The following POU2AF2 variants were observed in gnomAD, a reference collection of about 807,000 sequenced individuals.
POU2AF2 encodes the protein POU domain class 2-associating factor 2.
the POU2AF2 span, among the ~76,000 whole-genome samples, chr11:111,278,485 T>C: frequency 6.6e-6 from 1 of 152,178 alleles, no homozygotes; most frequent in Non-Finnish European, 1.5e-5. Context: ...AATTAGATCT[T>C]GCAGGTGAAT....
the POU2AF2 span, among the ~76,000 whole-genome samples, chr11:111,252,303 G>A: frequency 2.5e-4 from 38 of 152,106 alleles, no homozygotes; most frequent in African/African-American, 9.7e-5. Context: ...GTTCTCCAAC[G>A]TCAGAGAGCA....
At chr11:111,266,992 T>C in the POU2AF2 span, among the ~76,000 whole-genome samples, 2 of 152,210 alleles carry the variant, frequency 1.3e-5, no homozygotes, top group Non-Finnish European at 2.9e-5. Flanking sequence ...TCCTGTGTGA[T>C]GGGTGGCCCC....
the POU2AF2 span, among the ~76,000 whole-genome samples, chr11:111,268,490 TTA>T: frequency 0.078 from 3,617 of 46,258 alleles, 268 homozygotes; most frequent in South Asian, 0.24. Context: ...TTATTTTATT[TTA>T]TTTTATTTTA....
At chr11:111,259,432 C>T in the POU2AF2 span, among the ~76,000 whole-genome samples, 55 of 151,868 alleles carry the variant, frequency 3.6e-4, no homozygotes, top group African/African-American at 1.3e-3. Context: ...TCTCCTGCCT[C>T]GGCCTCCCGA....
At chr11:111,248,014 GTTGGGTCTACA>G in the POU2AF2 span, among the ~76,000 whole-genome samples, 3 of 150,528 alleles carry the variant, frequency 2.0e-5, no homozygotes, top group African/African-American at 4.9e-5. Context: ...CTCCCGAGTA[GTTGGGTCTACA>G]GGCGCCCGCC....
At chr11:111,261,788 T>C in the POU2AF2 span, among the ~76,000 whole-genome samples, 70 of 152,224 alleles carry the variant, frequency 4.6e-4, no homozygotes, top group Non-Finnish European at 9.6e-4. Flanking sequence ...AGTAAGAAAA[T>C]AGACATGAAA....
At chr11:111,264,283 G>A in the POU2AF2 span, among the ~76,000 whole-genome samples, 1 of 151,892 alleles carries the variant, frequency 6.6e-6, no homozygotes, top group Non-Finnish European at 1.5e-5. Context: ...ATCTCTTGAG[G>A]TCAGGAGTTT....
At chr11:111,247,469 A>G in the POU2AF2 span, among the ~76,000 whole-genome samples, 1 of 152,156 alleles carries the variant, frequency 6.6e-6, no homozygotes, top group Non-Finnish European at 1.5e-5. Context: ...CATCTTTAAA[A>G]GTTAGTCTTT....
At chr11:111,274,876 C>T in the POU2AF2 span, among the ~76,000 whole-genome samples, 1 of 152,068 alleles carries the variant, frequency 6.6e-6, no homozygotes, top group Non-Finnish European at 1.5e-5. Flanking sequence ...CTACCACCAT[C>T]GCCACAACCA....
the POU2AF2 span, among the ~76,000 whole-genome samples, chr11:111,269,581 A>G: frequency 6.6e-6 from 1 of 152,132 alleles, no homozygotes; most frequent in Admixed American, 6.5e-5. Flanking sequence ...TGCAGCTTGC[A>G]AAAATAATCA....
chr11:111,281,688 T>G, the POU2AF2 span, among the ~76,000 whole-genome samples: 1 of 152,202 alleles, frequency 6.6e-6, no homozygotes, highest in Non-Finnish European at 1.5e-5. Context: ...AATTATGCCC[T>G]TGATACAGTT....
chr11:111,286,143 A>C, the POU2AF2 span: 4 of 1,459,720 alleles, frequency 2.7e-6, no homozygotes, highest in Middle Eastern at 1.8e-4. Flanking sequence ...TCAGGACTGG[A>C]TTTTCAGAAT....
chr11:111,276,452 AAATATATATATATATAT>A, the POU2AF2 span, among the ~76,000 whole-genome samples: 9 of 35,622 alleles, frequency 2.5e-4, no homozygotes, highest in Admixed American at 1.6e-3. Flanking sequence ...AAAAAAAAAA[AAATATATATATATATAT>A]ATATATATAT....
At chr11:111,264,731 G>T in the POU2AF2 span, among the ~76,000 whole-genome samples, 2 of 144,734 alleles carry the variant, frequency 1.4e-5, no homozygotes, top group Admixed American at 1.4e-4. Flanking sequence ...AAGAAAGAAA[G>T]AGAAAGAAAG....
the POU2AF2 span, among the ~76,000 whole-genome samples, chr11:111,282,718 T>C: frequency 1.3e-5 from 2 of 152,136 alleles, no homozygotes; most frequent in African/African-American, 4.8e-5. Context: ...TCAGAAGTGG[T>C]CTGCTGCTGT....
At chr11:111,248,790 G>A in the POU2AF2 span, among the ~76,000 whole-genome samples, 1 of 152,236 alleles carries the variant, frequency 6.6e-6, no homozygotes, top group East Asian at 1.9e-4. Flanking sequence ...AAAATAAGAA[G>A]GTGCTTTAAG....
chr11:111,248,374 C>T, the POU2AF2 span, among the ~76,000 whole-genome samples: 2 of 152,266 alleles, frequency 1.3e-5, no homozygotes, highest in Admixed American at 6.5e-5. Context: ...CTGAGCCAGA[C>T]GCTGACCCAA....
the POU2AF2 span, among the ~76,000 whole-genome samples, chr11:111,280,835 C>A: frequency 6.6e-6 from 1 of 152,176 alleles, no homozygotes; most frequent in Admixed American, 6.5e-5. Context: ...AAGAACAAAT[C>A]TTTTGTCTGT....
the POU2AF2 span, among the ~76,000 whole-genome samples, chr11:111,272,467 C>A: frequency 1.3e-5 from 2 of 152,114 alleles, no homozygotes; most frequent in East Asian, 3.8e-4. Context: ...TGAAATAATG[C>A]ATGTAAATCA....
Sources: allele counts gnomAD v4.1 joint callset (sites outside exome capture counted in the v4.1 genomes callset), GRCh38; gene constraint gnomAD v4.1.1; transcripts MANE v1.5; gene names NCBI Gene and HGNC (gene_info 2026-07-23, HGNC 2026-07-21).